Variants in BRINP3 observed in about 807,000 individuals in gnomAD.
BRINP3 encodes BMP/retinoic acid inducible neural specific 3.
BRINP3 carries 19 observed loss-of-function variants against 71.0 expected under a neutral mutation model. The ratio of observed to expected loss-of-function variants is 0.27; its 90% CI spans 0.19 to 0.39. BRINP3 has a LOEUF of 0.39. BRINP3 is among the 10% of genes least tolerant of loss of function. The pLI is 1.00. For synonymous variants in BRINP3, 380 were observed against 337.7 expected, an observed-to-expected ratio of 1.13 and a Z score of -1.37; for missense variants, 959 against 940.8, an observed-to-expected ratio of 1.02 and a Z score of -0.25.
chr1:190,236,938 C>T (rs1658578832), intron 4 of BRINP3, among the ~76,000 whole-genome samples: 1 of 151,798 alleles, frequency 6.6e-6, no homozygotes, highest in Admixed American at 6.6e-5. Context: ...TGGCATTAAG[C>T]TCATACTCAT....
At chr1:190,284,750 T>C (rs1663290628) in intron 2 of BRINP3, among the ~76,000 whole-genome samples, 1 of 152,030 alleles carries the variant, frequency 6.6e-6, no homozygotes, top group Non-Finnish European at 1.5e-5. Flanking sequence ...TATTAATCTA[T>C]TATCTCTGTC....
rs554127400 is a variant in BRINP3 at position 190,234,649 on chromosome 1, A to G, written c.619-172T>C. Among the ~76,000 whole-genome samples the G allele has an allele frequency of 2.0e-5, 3 of 152,276 alleles. No individual in the cohort carries two copies. The South Asian group carries it at 6.2e-4, about 32-fold the overall frequency. The stretch of plus-strand genomic sequence containing the variant: ...CACCTAAACATAGCGGAAAGCAGTA[A>G]GTCCCTTTGTCTTTAATTCATTTTC... On this transcript the variant is annotated intron_variant, in intron 4 of 7. Transcript: ENST00000367462.
At position 190,182,192 on chromosome 1, in the gene BRINP3, C is replaced by G. The variant is rs530733475; in HGVS notation, c.962-21302G>C. ...CTTTGTGTTTATCCTATTTAGGATT[C>G]TTTCAACTTCATAAACTTTAGGTTT... On this transcript the variant is annotated intron_variant, in intron 6 of 7. Coordinates refer to ENST00000367462, the MANE Select transcript of BRINP3 (RefSeq NM_199051.3). Among the ~76,000 whole-genome samples the G allele has an allele frequency of 3.3e-5, 5 of 152,040 alleles. No individual in the cohort carries two copies. In the South Asian group the frequency reaches 8.3e-4, roughly 25 times the overall value.
chr1:190,321,856 C>T (rs1333414281), intron 2 of BRINP3, among the ~76,000 whole-genome samples: 2 of 151,978 alleles, frequency 1.3e-5, no homozygotes, highest in African/African-American at 2.4e-5. Flanking sequence ...AAAATGGTTG[C>T]TCAACATAAC....
At chr1:190,156,097 A>T (rs1455558850) in intron 7 of BRINP3, among the ~76,000 whole-genome samples, 3 of 152,144 alleles carry the variant, frequency 2.0e-5, no homozygotes, top group Non-Finnish European at 2.9e-5. Flanking sequence ...AGTTTACTCA[A>T]GTAAGAAAAA....
At chr1:190,466,337 C>T (rs190602064) in intron 1 of BRINP3, among the ~76,000 whole-genome samples, 42 of 151,800 alleles carry the variant, frequency 2.8e-4, no homozygotes, top group Non-Finnish European at 5.9e-4. Context: ...CAGGCTTACC[C>T]TGGAGTTAAC....
At chr1:190,261,529 A>G (rs1008018648) in intron 4 of BRINP3, among the ~76,000 whole-genome samples, 1 of 152,138 alleles carries the variant, frequency 6.6e-6, no homozygotes, top group African/African-American at 2.4e-5. Flanking sequence ...GCTCATAGTT[A>G]AATTGCTTAA....
intron 4 of BRINP3, among the ~76,000 whole-genome samples, chr1:190,262,897 A>G (rs557732928): frequency 2.6e-5 from 4 of 151,426 alleles, no homozygotes; most frequent in South Asian, 4.2e-4. Flanking sequence ...ATATATACAT[A>G]TGTGTGTGTG....
intron 7 of BRINP3, among the ~76,000 whole-genome samples, chr1:190,131,619 AC>A (rs1654552591): frequency 6.6e-6 from 1 of 151,926 alleles, no homozygotes; most frequent in African/African-American, 2.4e-5. Context: ...TCTAATTTCA[AC>A]CTTTCTTAGC....
At chr1:190,215,780 T>C (rs1385320131) in intron 6 of BRINP3, among the ~76,000 whole-genome samples, 1 of 151,914 alleles carries the variant, frequency 6.6e-6, no homozygotes, top group African/African-American at 2.4e-5. Context: ...TAAATGTCTC[T>C]ACATTTAATA....
intron 7 of BRINP3, among the ~76,000 whole-genome samples, chr1:190,148,418 C>G (rs542931082): frequency 7.9e-5 from 12 of 151,670 alleles, no homozygotes; most frequent in African/African-American, 2.2e-4. Context: ...ACGGAGAAAC[C>G]CCATCTCTAC....
At position 190,203,779 on chromosome 1, in the gene BRINP3, ATATATATATATATATATATATAT is replaced by A. The variant is rs1332268812; in HGVS notation, c.961+22280_961+22302del. Among the ~76,000 whole-genome samples the A allele has an allele frequency of 2.3e-3, 210 of 92,824 alleles. 7 individuals are homozygous for A. Among genetic ancestry groups the A allele is most frequent in the Non-Finnish European group, 3.8e-3 (176 of 46,156 alleles). The allele number at this position is 92,824 out of a possible 152,430, so 60.9% of individuals were successfully genotyped here. A position where few individuals can be genotyped will look rare whatever the true frequency, so the allele number is the denominator to read the frequency against. On this transcript the variant is annotated intron_variant, in intron 6 of 7. Transcript: ENST00000367462. ...TATATATATATATATATATATATAT[ATATATATATATATATATATATAT>A]ATATATATATATAAATGAAAACAAA...
At chr1:190,272,911 G>A (rs982350229) in intron 3 of BRINP3, among the ~76,000 whole-genome samples, 5 of 151,458 alleles carry the variant, frequency 3.3e-5, no homozygotes, top group African/African-American at 9.7e-5. Context: ...TTACAACAGA[G>A]CACATGACTA....
At chr1:190,184,101 G>T (rs1279334118) in intron 6 of BRINP3, among the ~76,000 whole-genome samples, 1 of 152,142 alleles carries the variant, frequency 6.6e-6, no homozygotes, top group Non-Finnish European at 1.5e-5. Context: ...AAGCTCCAAA[G>T]AATTGATAGC....
chr1:190,175,081 G>A (rs1488319438), intron 6 of BRINP3, among the ~76,000 whole-genome samples: 1 of 152,090 alleles, frequency 6.6e-6, no homozygotes, highest in Non-Finnish European at 1.5e-5. Flanking sequence ...TCCTGGCATT[G>A]TGTATAAGAA....
At position 190,385,515 on chromosome 1, in the gene BRINP3, T is replaced by A. The variant is rs541764492; in HGVS notation, c.236+69140A>T. ...TCACTGGCCATCAGAGAAATGCAAA[T>A]CAAAACCACAATGAGATACCATCTC... On this transcript the variant is annotated intron_variant, in intron 2 of 7. Transcript: ENST00000367462. Among the ~76,000 whole-genome samples the A allele has an allele frequency of 3.9e-4, 59 of 151,716 alleles. No individual in the cohort carries two copies. The East Asian group carries it at 0.01, about 26-fold the overall frequency.
At chr1:190,111,220 T>C (rs1213336486) in intron 7 of BRINP3, among the ~76,000 whole-genome samples, 1 of 148,500 alleles carries the variant, frequency 6.7e-6, no homozygotes, top group Non-Finnish European at 1.5e-5. Flanking sequence ...TTTAGAACTT[T>C]AATTGGAACA....
intron 2 of BRINP3, among the ~76,000 whole-genome samples, chr1:190,290,676 T>C (rs1002688577): frequency 6.6e-6 from 1 of 152,132 alleles, no homozygotes; most frequent in Admixed American, 6.6e-5. Flanking sequence ...GATCAACCTA[T>C]GAATTTTAAA....
chr1:190,145,762 T>G (rs1404601661), intron 7 of BRINP3, among the ~76,000 whole-genome samples: 1 of 152,034 alleles, frequency 6.6e-6, no homozygotes, highest in East Asian at 1.9e-4. Context: ...TGCAAAGATA[T>G]GAAACCAACC....
Sources: allele counts gnomAD v4.1 joint callset (sites outside exome capture counted in the v4.1 genomes callset), GRCh38; gene constraint gnomAD v4.1.1; transcripts MANE v1.5; gene names NCBI Gene and HGNC (gene_info 2026-07-23, HGNC 2026-07-21).